GEM: variants seen among roughly 807,000 people sequenced by gnomAD.
GEM encodes the protein GTP-binding protein GEM.
Under a neutral mutation model 33.0 loss-of-function variants are expected in GEM, and 31 were observed. The ratio of observed to expected loss-of-function variants is 0.94; its 90% CI spans 0.71 to 1.27. The LOEUF (loss-of-function observed/expected upper bound fraction) is 1.27. Ranked by LOEUF, GEM falls within the 50% of genes most tolerant of loss-of-function variation. The pLI is 0.00. For missense variants in GEM, 354 were observed against 390.5 expected, an observed-to-expected ratio of 0.91 and a Z score of 0.79; for synonymous variants, 141 against 143.7, an observed-to-expected ratio of 0.98 and a Z score of 0.13.
At chr8:94,255,211 C>T (rs1266293120) in intron 2 of GEM, among the ~76,000 whole-genome samples, 2 of 152,132 alleles carry the variant, frequency 1.3e-5, no homozygotes, top group African/African-American at 2.4e-5. Flanking sequence ...GTGTTCCAAT[C>T]GCTGACGGAA....
rs562092597 is a variant in GEM, at chr8:94,249,957, A to G, written c.*353T>C. 9.0e-5 allele frequency: 18 copies of G among 199,804 alleles called. No homozygotes were observed. In the South Asian group the frequency reaches 2.4e-3, roughly 26 times the overall value. 12.4% of individuals were successfully genotyped at this position (199,804 alleles called of 1,614,324 possible). ...CTCATTGGCCTCAAAGTCACATATC[A>G]GAACACTGGGAAAAATTTTTAATGA... On this transcript the variant is annotated 3_prime_UTR_variant, in exon 5 of 5. Coordinates refer to ENST00000297596, the MANE Select transcript of GEM (RefSeq NM_005261.4).
intron 2 of GEM, among the ~76,000 whole-genome samples, chr8:94,257,169 T>A (rs879609662): frequency 3.3e-5 from 5 of 151,842 alleles, no homozygotes; most frequent in Non-Finnish European, 5.9e-5. Context: ...TATTTTATTT[T>A]TATTTTTATT....
chr8:94,261,169 TA>T (rs1458943857), intron 1 of GEM, among the ~76,000 whole-genome samples: 31 of 152,136 alleles, frequency 2.0e-4, no homozygotes, highest in Admixed American at 2.0e-3. Flanking sequence ...ATTTTCTGTT[TA>T]AAGTTTATGC....
intron 2 of GEM, 90 bp from the exon 3 acceptor site, chr8:94,253,202 A>T (rs1007765408): frequency 2.7e-6 from 2 of 728,248 alleles, no homozygotes; most frequent in Non-Finnish European, 2.5e-6. Flanking sequence ...GCTAGAACAT[A>T]AACTTACTAA....
At chr8:94,254,923 G>T (rs1252559859) in intron 2 of GEM, among the ~76,000 whole-genome samples, 2 of 152,210 alleles carry the variant, frequency 1.3e-5, no homozygotes, top group African/African-American at 2.4e-5. Flanking sequence ...ACAATATGCA[G>T]AAGGAATGAG....
chr8:94,254,817 G>GT (rs1808852578), intron 2 of GEM, among the ~76,000 whole-genome samples: 1 of 152,176 alleles, frequency 6.6e-6, no homozygotes, highest in South Asian at 2.1e-4. Flanking sequence ...CTGTCTTTCT[G>GT]TGAGTTTCCC....
Position 94,250,107 on chromosome 8 carries a change from G to A in GEM, c.*203C>T, listed in dbSNP as rs564388541. 116 of 573,434 alleles carry A rather than the reference G, an allele frequency of 2.0e-4. No individual in the cohort carries two copies. Among genetic ancestry groups the A allele is most frequent in the Middle Eastern group, 1.4e-3 (3 of 2,210 alleles). The allele number at this position is 573,434 out of a possible 1,614,324, so 35.5% of individuals were successfully genotyped here. ...CTTGGGTGTTCAAATAGCAAGGTCA[G>A]GCTTTTCCTGGAAATAAATACTGAC... On this transcript the variant is annotated 3_prime_UTR_variant, in exon 5 of 5. Coordinates refer to ENST00000297596, the MANE Select transcript of GEM (RefSeq NM_005261.4).
rs377348768 is a variant in GEM, at chr8:94,260,154, C to A, written c.331+19G>T. Reference sequence around the variant, plus strand: ...GCCACCCCTGGTGGAAAGAAGCCCACTGGGGCTGGGACACCTACCTCCCAG... The same window carrying A: ...GCCACCCCTGGTGGAAAGAAGCCCAATGGGGCTGGGACACCTACCTCCCAG... On this transcript the variant is annotated intron_variant, in intron 2 of 4. Transcript: ENST00000297596. The A allele has an allele frequency of 6.9e-5, 105 of 1,531,322 alleles. No homozygotes were observed. The highest frequency in any genetic ancestry group is 8.8e-5 in the Non-Finnish European group (98 of 1,111,150). 94.9% of individuals were successfully genotyped at this position (1,531,322 alleles called of 1,614,324 possible).
intron 2 of GEM, among the ~76,000 whole-genome samples, chr8:94,257,069 C>G (rs1457726357): frequency 2.0e-5 from 3 of 152,220 alleles, no homozygotes; most frequent in Admixed American, 6.5e-5. Flanking sequence ...TGCCTTCCCA[C>G]CTAGCTCAGG....
At chr8:94,256,135 C>T (rs1257336741) in intron 2 of GEM, among the ~76,000 whole-genome samples, 3 of 152,088 alleles carry the variant, frequency 2.0e-5, no homozygotes, top group East Asian at 1.9e-4. Flanking sequence ...AGTCTAAGTC[C>T]TTGGCCTGAC....
chr8:94,249,281 A>G lies in GEM; in HGVS notation c.*1029T>C, dbSNP rs1336838009. The G allele has an allele frequency of 6.6e-6, 1 of 152,256 alleles. No individual in the cohort carries two copies. Among genetic ancestry groups the G allele is most frequent in the African/African-American group, 2.4e-5 (1 of 41,466 alleles). The allele number at this position is 152,256 out of a possible 1,614,324, so 9.4% of individuals were successfully genotyped here. On this transcript the variant is annotated 3_prime_UTR_variant, in exon 5 of 5. Transcript: ENST00000297596. ...TTTCAAATATTTTATTTCTTTTATTATAAGACATATAGGTAAAAACTTGCA... is the reference window on the plus strand; with the variant it reads ...TTTCAAATATTTTATTTCTTTTATTGTAAGACATATAGGTAAAAACTTGCA...
At chr8:94,255,036 C>T (rs1162377403) in intron 2 of GEM, among the ~76,000 whole-genome samples, 5 of 152,134 alleles carry the variant, frequency 3.3e-5, no homozygotes, top group Non-Finnish European at 1.5e-5. Context: ...CAGCACAGAA[C>T]GGGGATGGCC....
chr8:94,258,843 T>C (rs1284251218), intron 2 of GEM, among the ~76,000 whole-genome samples: 3 of 152,184 alleles, frequency 2.0e-5, no homozygotes, highest in Non-Finnish European at 4.4e-5. Context: ...GGATAAGGCT[T>C]TTGATCTCCC....
At chr8:94,251,527 T>C (rs1278005383) in intron 4 of GEM, among the ~76,000 whole-genome samples, 2 of 152,302 alleles carry the variant, frequency 1.3e-5, no homozygotes, top group African/African-American at 2.4e-5. Context: ...ATAGAGATTT[T>C]CCCTGAGCTA....
chr8:94,253,429 T>G (rs189373004), intron 2 of GEM, among the ~76,000 whole-genome samples: 1 of 152,202 alleles, frequency 6.6e-6, no homozygotes, highest in Non-Finnish European at 1.5e-5. Context: ...ATAAACTTAC[T>G]CAAGAGCTTT....
At chr8:94,251,346 G>A (rs1808766142) in intron 4 of GEM, among the ~76,000 whole-genome samples, 1 of 152,188 alleles carries the variant, frequency 6.6e-6, no homozygotes, top group Non-Finnish European at 1.5e-5. Context: ...TTGTGTCCTA[G>A]TAGGAAGACA....
Position 94,253,108 on chromosome 8 carries a change from A to G in GEM, c.336T>C (p.Asp112=). ...CAACCATCAGGGTTCGTTCATATGT[A>G]TCTTCTAGAGAAGAAAGAACAAAGA... is the stretch of plus-strand genomic sequence containing the variant. The part of the protein sequence containing the change: ...MDSDCEVLGE[D]TYERTLMVDG... Residue 112 remains aspartate (D), a synonymous_variant, in exon 3 of 5, where the codon GAT becomes GAC. Coordinates refer to ENST00000297596, the MANE Select transcript of GEM (RefSeq NM_005261.4). 1.9e-6 allele frequency: 3 copies of G among 1,557,962 alleles called. No homozygotes were observed. The highest frequency in any genetic ancestry group is 2.7e-6 in the Non-Finnish European group (3 of 1,128,980).
chr8:94,256,796 A>G (rs1808900246), intron 2 of GEM, among the ~76,000 whole-genome samples: 1 of 152,258 alleles, frequency 6.6e-6, no homozygotes, highest in Non-Finnish European at 1.5e-5. Context: ...GAAATGGTAG[A>G]TTCAGAATCA....
In GEM at chr8:94,252,057, T is replaced by C. The variant is rs1166246602; in HGVS notation, c.575A>G (p.Lys192Arg). The change falls in exon 4 of 5, where the codon AAA becomes AGA. Residue 192 changes from lysine (K) to arginine (R), a missense_variant. Physicochemically the swap from Lys to Arg is conservative, Grantham distance 26 (BLOSUM62 2). Coordinates refer to ENST00000297596, the MANE Select transcript of GEM (RefSeq NM_005261.4). The part of the protein sequence containing the change: ...EDIPIILVGN[K>R]SDLVRCREVS... ...TTCTCGGCACCGCACTAAGTCACTTTTGTTGCCAACCAAAATTATGGGAAT... is the reference window on the plus strand; with the variant it reads ...TTCTCGGCACCGCACTAAGTCACTTCTGTTGCCAACCAAAATTATGGGAAT... 1.2e-6 allele frequency: 2 copies of C among 1,614,186 alleles called. No homozygotes were observed. Among genetic ancestry groups the C allele is most frequent in the Non-Finnish European group, 1.7e-6 (2 of 1,180,012 alleles).
Sources: allele counts gnomAD v4.1 joint callset (sites outside exome capture counted in the v4.1 genomes callset), GRCh38; gene constraint gnomAD v4.1.1; transcripts MANE v1.5; gene names NCBI Gene and HGNC (gene_info 2026-07-23, HGNC 2026-07-21).